MTR: variants seen among roughly 807,000 people sequenced by gnomAD.
MTR encodes methionine synthase.
Under a neutral mutation model 154.8 loss-of-function variants are expected in MTR, and 84 were observed. That is an observed-to-expected ratio of 0.54 (90% CI 0.45 to 0.65). MTR has a LOEUF of 0.65. Ranked by LOEUF, MTR falls within the 30% of genes least tolerant of loss-of-function variation. The pLI is 0.00. For missense variants in MTR, 1,275 were observed against 1,570.2 expected, an observed-to-expected ratio of 0.81 and a Z score of 3.18; for synonymous variants, 554 against 553.9, an observed-to-expected ratio of 1.00 and a Z score of 0.00.
chr1:236,825,410 C>T lies in MTR; in HGVS notation c.927+11C>T, dbSNP rs1267518631. ...GCCAAGCACCTAAAGGTCAGGGGTC[C>T]CCCTTTCACTGGCTTTTTAAGAGAG... is the stretch of plus-strand genomic sequence containing the variant. On this transcript the variant is annotated intron_variant, in intron 10 of 32. Transcript: ENST00000366577. 1.9e-6 allele frequency: 3 copies of T among 1,606,636 alleles called. No homozygotes were observed. The highest frequency in any genetic ancestry group is 2.2e-5 in the East Asian group (1 of 44,834).
Position 236,838,498 on chromosome 1 carries a change from A to G in MTR, c.1414A>G (p.Ile472Val), listed in dbSNP as rs750261993. 6.2e-7 allele frequency: 1 copy of G among 1,614,152 alleles called. No individual in the cohort carries two copies. ...CCQGKCIVNS[I>V]SLKEGEDDFL... The stretch of plus-strand genomic sequence containing the variant: ...CCAAGGGAAGTGCATTGTCAATAGC[A>G]TTAGTCTGAAGGAAGGAGAGGACGA... Residue 472 changes from isoleucine to valine, a missense_variant, in exon 15 of 33, where the codon ATT becomes GTT. Coordinates refer to ENST00000366577, the MANE Select transcript of MTR (RefSeq NM_000254.3).
chr1:236,827,355 A>T (rs1330747491), intron 11 of MTR, among the ~76,000 whole-genome samples: 1 of 152,158 alleles, frequency 6.6e-6, no homozygotes, highest in Non-Finnish European at 1.5e-5. Context: ...AAGCTCATAC[A>T]CCTTTATATT....
intron 27 of MTR, among the ~76,000 whole-genome samples, chr1:236,888,059 G>A (rs1666118081): frequency 6.6e-6 from 1 of 152,224 alleles, no homozygotes. Flanking sequence ...GGAACAAATG[G>A]GAAAGGGCTA....
At chr1:236,888,447 A>G (rs191895172) in intron 27 of MTR, among the ~76,000 whole-genome samples, 7 of 152,382 alleles carry the variant, frequency 4.6e-5, no homozygotes, top group Admixed American at 3.3e-4. Flanking sequence ...GGTATAAAGA[A>G]CAATATATTA....
intron 15 of MTR, among the ~76,000 whole-genome samples, chr1:236,844,739 T>C (rs1663472704): frequency 1.3e-5 from 2 of 152,134 alleles, no homozygotes; most frequent in Non-Finnish European, 2.9e-5. Flanking sequence ...TGCTGGTTGA[T>C]GTGCTGGCGG....
intron 15 of MTR, among the ~76,000 whole-genome samples, chr1:236,844,589 A>T (rs920033326): frequency 9.2e-5 from 14 of 152,084 alleles, no homozygotes; most frequent in African/African-American, 3.1e-4. Context: ...TAAAGGATAC[A>T]TTTGCCAGAG....
chr1:236,873,205 A>C (rs1357831732), intron 22 of MTR, among the ~76,000 whole-genome samples: 3 of 152,224 alleles, frequency 2.0e-5, no homozygotes, highest in Non-Finnish European at 2.9e-5. Context: ...GTATTATTCT[A>C]CTTATGCGAA....
intron 22 of MTR, among the ~76,000 whole-genome samples, chr1:236,864,213 C>A (rs1393578721): frequency 6.6e-6 from 1 of 152,140 alleles, no homozygotes; most frequent in Non-Finnish European, 1.5e-5. Flanking sequence ...GGAAATAATG[C>A]TTTCCCATAT....
At chr1:236,861,401 A>G (rs1664537081) in intron 20 of MTR, 124 bp downstream of exon 20, 1 of 1,360,892 alleles carries the variant, frequency 7.3e-7, no homozygotes. Flanking sequence ...TTGGCTAGTC[A>G]TTCCTTCTCT....
At chr1:236,808,825 A>T in intron 4 of MTR, 52 bp downstream of exon 4, 1 of 1,530,340 alleles carries the variant, frequency 6.5e-7, no homozygotes, top group South Asian at 1.1e-5. Context: ...TGATACTGTC[A>T]GCTATAATGT....
chr1:236,832,569 C>T (rs1007803172), intron 13 of MTR, among the ~76,000 whole-genome samples: 1 of 152,036 alleles, frequency 6.6e-6, no homozygotes, highest in Non-Finnish European at 1.5e-5. Flanking sequence ...ATAGTTTTAG[C>T]CATGGTGTTT....
At chr1:236,823,650 G>A (rs1034726286) in intron 8 of MTR, among the ~76,000 whole-genome samples, 1 of 152,086 alleles carries the variant, frequency 6.6e-6, no homozygotes, top group Non-Finnish European at 1.5e-5. Context: ...ACCTTATAGG[G>A]TAGCAGGGAC....
chr1:236,884,502 G>A (rs2147916389), intron 25 of MTR, among the ~76,000 whole-genome samples: 1 of 152,254 alleles, frequency 6.6e-6, no homozygotes, highest in South Asian at 2.1e-4. Context: ...GTTAAAATCA[G>A]GAAAGGCAAA....
intron 18 of MTR, among the ~76,000 whole-genome samples, chr1:236,858,452 C>T (rs532001243): frequency 1.3e-5 from 2 of 152,254 alleles, no homozygotes; most frequent in Non-Finnish European, 2.9e-5. Flanking sequence ...TGGGTGGGGT[C>T]ACAGCCAAAC....
At chr1:236,862,710 G>A (rs1664615207) in intron 21 of MTR, among the ~76,000 whole-genome samples, 2 of 152,182 alleles carry the variant, frequency 1.3e-5, no homozygotes, top group Non-Finnish European at 2.9e-5. Flanking sequence ...AGGTCATTGA[G>A]TCATGCTTGT....
At position 236,894,600 on chromosome 1, in the gene MTR, A is replaced by G. The variant is rs748905223; in HGVS notation, c.3405+43A>G. On this transcript the variant is annotated intron_variant, in intron 30 of 32. Coordinates refer to ENST00000366577, the MANE Select transcript of MTR (RefSeq NM_000254.3). ...CGCCGAGGGGCTGAGGACAGAGGCCAGGCAGTAGGGAGCCTGGGGTGGGTG... is the reference window on the plus strand; with the variant it reads ...CGCCGAGGGGCTGAGGACAGAGGCCGGGCAGTAGGGAGCCTGGGGTGGGTG... The G allele has an allele frequency of 1.6e-5, 25 of 1,609,188 alleles. No homozygotes were observed. In the East Asian group the frequency reaches 4.0e-4, roughly 26 times the overall value.
intron 3 of MTR, 63 bp downstream of exon 3, chr1:236,806,296 C>T: frequency 7.6e-7 from 1 of 1,315,548 alleles, no homozygotes; most frequent in Non-Finnish European, 1.1e-6. Context: ...TTGGTAGTTG[C>T]TAGTGAGTAA....
At chr1:236,879,541 G>T (rs559755134) in intron 24 of MTR, among the ~76,000 whole-genome samples, 1 of 152,310 alleles carries the variant, frequency 6.6e-6, no homozygotes, top group South Asian at 2.1e-4. Flanking sequence ...CCCATCTCAT[G>T]GGGACTGCTG....
chr1:236,869,734 A>T (rs1487314618), intron 22 of MTR, among the ~76,000 whole-genome samples: 1 of 152,112 alleles, frequency 6.6e-6, no homozygotes, highest in African/African-American at 2.4e-5. Flanking sequence ...TGGTGGGAAG[A>T]ATGGTAGCAG....
Sources: gnomAD v4.1 joint callset for allele counts (sites outside exome capture counted in the v4.1 genomes callset) on GRCh38, gnomAD v4.1.1 for gene constraint, MANE v1.5 for transcripts, NCBI Gene and HGNC (gene_info 2026-07-23, HGNC 2026-07-21) for gene names.